Variants in SEC24D observed in about 807,000 individuals in gnomAD.
The protein encoded by SEC24D is protein transport protein Sec24D.
SEC24D carries 69 observed loss-of-function variants against 116.9 expected under a neutral mutation model. The ratio of observed to expected loss-of-function variants is 0.59; its 90% CI spans 0.49 to 0.72. The LOEUF is 0.72. Ranked by LOEUF, SEC24D falls within the 30% of genes least tolerant of loss-of-function variation. SEC24D has a pLI of 0.00. For synonymous variants in SEC24D, 405 were observed against 442.8 expected, an observed-to-expected ratio of 0.91 and a Z score of 1.07; for missense variants, 1,131 against 1,264.1, an observed-to-expected ratio of 0.89 and a Z score of 1.60.
chr4:118,788,185 A>G (rs1042346115), intron 8 of SEC24D, among the ~76,000 whole-genome samples: 9 of 152,230 alleles, frequency 5.9e-5, no homozygotes, highest in African/African-American at 2.2e-4. Context: ...TATACATATG[A>G]AATCACTTTG....
chr4:118,826,387 C>T (rs144940297), intron 2 of SEC24D, among the ~76,000 whole-genome samples: 6 of 152,270 alleles, frequency 3.9e-5, no homozygotes, highest in South Asian at 4.1e-4. Context: ...ATGGATATGA[C>T]GGTTTTTAAA....
chr4:118,766,560 C>T (rs1379324512), intron 9 of SEC24D: 7 of 152,184 alleles, frequency 4.6e-5, no homozygotes, highest in Admixed American at 4.6e-4. Flanking sequence ...TGTTGAGACA[C>T]AAGAATTCTG....
intron 17 of SEC24D, among the ~76,000 whole-genome samples, chr4:118,740,262 G>T (rs1473595425): frequency 6.6e-6 from 1 of 152,152 alleles, no homozygotes; most frequent in Non-Finnish European, 1.5e-5. Flanking sequence ...CTCCAGAACT[G>T]TGAGAAAATA....
intron 11 of SEC24D, among the ~76,000 whole-genome samples, chr4:118,753,507 T>C (rs1458583902): frequency 6.6e-6 from 1 of 152,078 alleles, no homozygotes; most frequent in East Asian, 1.9e-4. Flanking sequence ...TGACCATTTA[T>C]GATGGTCATG....
intron 8 of SEC24D, among the ~76,000 whole-genome samples, chr4:118,784,274 A>G (rs1159603781): frequency 2.0e-5 from 3 of 152,228 alleles, no homozygotes; most frequent in Non-Finnish European, 4.4e-5. Flanking sequence ...TTATATATTT[A>G]TTCTATATCA....
intron 9 of SEC24D, among the ~76,000 whole-genome samples, chr4:118,765,894 A>T (rs1228881256): frequency 2.6e-5 from 4 of 152,068 alleles, no homozygotes; most frequent in African/African-American, 9.7e-5. Context: ...ATTTCTTTTA[A>T]AGTAAATTTT....
intron 3 of SEC24D, among the ~76,000 whole-genome samples, chr4:118,819,906 C>T (rs1730324102): frequency 6.6e-6 from 1 of 152,114 alleles, no homozygotes; most frequent in African/African-American, 2.4e-5. Context: ...ATATAACCAT[C>T]AGTTATTACT....
chr4:118,753,310 T>C (rs1410750980), intron 11 of SEC24D, among the ~76,000 whole-genome samples: 3 of 152,146 alleles, frequency 2.0e-5, no homozygotes, highest in Non-Finnish European at 4.4e-5. Context: ...GCCATACTCA[T>C]ATTACTAACA....
chr4:118,733,695 A>G (rs1214182085), intron 19 of SEC24D, among the ~76,000 whole-genome samples: 1 of 152,230 alleles, frequency 6.6e-6, no homozygotes, highest in Non-Finnish European at 1.5e-5. Context: ...ATGTGTCATT[A>G]ATGAATGATA....
rs547939392 is a variant in SEC24D at position 118,769,412 on chromosome 4, T to C, written c.1042-1101A>G. On this transcript the variant is annotated intron_variant, in intron 8 of 22. Coordinates refer to ENST00000280551, the MANE Select transcript of SEC24D (RefSeq NM_014822.4). ...TTTGTAAATCTCCTTAAAGATAACA[T>C]TTAAAGAAAAGCTTGAGAATTGCAG... 2.7e-4 allele frequency among the ~76,000 whole-genome samples: 41 copies of C among 152,286 alleles called. No individual in the cohort carries two copies. In the South Asian group the frequency reaches 8.1e-3, roughly 30 times the overall value.
At position 118,764,901 on chromosome 4, in the gene SEC24D, G is replaced by C; in HGVS notation, c.1197C>G (p.Phe399Leu). The C allele has an allele frequency of 1.3e-6, 2 of 1,597,242 alleles. No homozygotes were observed. The highest frequency in any genetic ancestry group is 8.6e-7 in the Non-Finnish European group (1 of 1,165,402). The stretch of plus-strand genomic sequence containing the variant: ...TTCTTCCAATGTGGTCCAGATGTTG[G>C]AAATAGAATGGTGGAACTAATAAAA... The part of the protein sequence containing the change: ...NCVNDVPPFY[F>L]QHLDHIGRRL... The change falls in exon 10 of 23, where the codon TTC becomes TTG. Residue 399 changes from phenylalanine (F) to leucine (L), a missense_variant. Transcript: ENST00000280551.
chr4:118,738,470 T>A, intron 18 of SEC24D, 91 bp from the exon 19 acceptor site: 1 of 866,676 alleles, frequency 1.2e-6, no homozygotes, highest in Admixed American at 1.9e-5. Flanking sequence ...GTTGCTATTA[T>A]CTTCAGACCA....
At chr4:118,799,208 A>G (rs1488365628) in intron 7 of SEC24D, among the ~76,000 whole-genome samples, 2 of 152,238 alleles carry the variant, frequency 1.3e-5, no homozygotes, top group Non-Finnish European at 2.9e-5. Context: ...TTAAGGGCAT[A>G]TAAGGTGTGA....
At chr4:118,807,029 C>T (rs1250527679) in intron 6 of SEC24D, among the ~76,000 whole-genome samples, 2 of 152,122 alleles carry the variant, frequency 1.3e-5, no homozygotes, top group Non-Finnish European at 2.9e-5. Flanking sequence ...ATAAAAGAAA[C>T]TTCTAAAAGG....
rs1726055253 is a variant in SEC24D, at chr4:118,738,117, T to C, written c.2496+144A>G. 5.2e-6 allele frequency: 3 copies of C among 581,126 alleles called. No individual in the cohort carries two copies. In the East Asian group the frequency reaches 8.8e-5, roughly 17 times the overall value. The allele number at this position is 581,126 out of a possible 1,614,324, so 36.0% of individuals were successfully genotyped here. On this transcript the variant is annotated intron_variant, in intron 19 of 22. Coordinates refer to ENST00000280551, the MANE Select transcript of SEC24D (RefSeq NM_014822.4). The stretch of plus-strand genomic sequence containing the variant: ...AAAAAAAAACCACAGCCCCCCCAAA[T>C]TGCATTCTTAATCTTCTCAGCTACA...
chr4:118,797,595 A>T lies in SEC24D; in HGVS notation c.1041+88T>A, dbSNP rs1160769921. 3 of 987,886 alleles carry T rather than the reference A, an allele frequency of 3.0e-6. No homozygotes were observed. The African/African-American group carries it at 4.9e-5, about 16-fold the overall frequency. 61.2% of individuals were successfully genotyped at this position (987,886 alleles called of 1,614,324 possible). On this transcript the variant is annotated intron_variant, in intron 8 of 22. Coordinates refer to ENST00000280551, the MANE Select transcript of SEC24D (RefSeq NM_014822.4). The stretch of plus-strand genomic sequence containing the variant: ...AAATATATTCCAGTTTCCTGTTTAT[A>T]TTATAGAATAATGTATAAGAAAATT...
chr4:118,761,560 T>A (rs780618914), intron 10 of SEC24D, among the ~76,000 whole-genome samples: 3 of 152,228 alleles, frequency 2.0e-5, no homozygotes, highest in Non-Finnish European at 4.4e-5. Flanking sequence ...CCAAAATATC[T>A]CCTGTCCAAA....
chr4:118,770,743 A>G (rs1727862282), intron 8 of SEC24D, among the ~76,000 whole-genome samples: 1 of 152,210 alleles, frequency 6.6e-6, no homozygotes, highest in South Asian at 2.1e-4. Flanking sequence ...TTACTGTGAA[A>G]TTGTCGGCAA....
Position 118,757,739 on chromosome 4 carries a change from A to C in SEC24D, c.1403T>G (p.Met468Arg). ...GCCTTACTTTGGAATTTTTTCCAGC[A>C]TGGTCTTCAGTTCTTCACATATGAG... ...VKLICEELKT[M>R]LEKIPKEEQE... Residue 468 changes from methionine to arginine, a missense_variant, in exon 11 of 23, where the codon ATG becomes AGG. Physicochemically the swap from Met to Arg is moderately conservative, Grantham distance 91. Coordinates refer to ENST00000280551, the MANE Select transcript of SEC24D (RefSeq NM_014822.4). 1 of 1,605,900 alleles carries C rather than the reference A, an allele frequency of 6.2e-7. No individual in the cohort carries two copies. Among genetic ancestry groups the C allele is most frequent in the Non-Finnish European group, 8.5e-7 (1 of 1,177,572 alleles).
Sources: allele counts gnomAD v4.1 joint callset (sites outside exome capture counted in the v4.1 genomes callset), GRCh38; gene constraint gnomAD v4.1.1; transcripts MANE v1.5; gene names NCBI Gene and HGNC (gene_info 2026-07-23, HGNC 2026-07-21).